MARCHF6: variants seen among roughly 807,000 people sequenced by gnomAD.
MARCHF6 encodes the protein E3 ubiquitin-protein ligase MARCHF6.
MARCHF6 carries 31 observed loss-of-function variants against 133.7 expected under a neutral mutation model. That is an observed-to-expected ratio of 0.23 (90% confidence interval 0.17 to 0.31). The LOEUF is 0.31. Among genes scored for constraint, MARCHF6 ranks in the 10% least tolerant of loss-of-function variants. MARCHF6 has a pLI of 1.00. For missense variants in MARCHF6, 723 were observed against 1,121.6 expected, an observed-to-expected ratio of 0.64 and a Z score of 5.08; for synonymous variants, 395 against 402.5, an observed-to-expected ratio of 0.98 and a Z score of 0.22.
At chr5:10,365,363 C>T (rs897643140) in intron 1 of MARCHF6, among the ~76,000 whole-genome samples, 10 of 151,938 alleles carry the variant, frequency 6.6e-5, no homozygotes, top group South Asian at 2.1e-4. Flanking sequence ...TACAATGGCA[C>T]GATCTTGGCT....
intron 24 of MARCHF6, 81 bp from the exon 25 acceptor site, chr5:10,429,812 C>CCCCAG: frequency 8.3e-7 from 1 of 1,208,588 alleles, no homozygotes; most frequent in Non-Finnish European, 1.2e-6. Context: ...CCAGTCCATT[C>CCCCAG]TTCTAGGGGA....
rs928862982 is a variant in MARCHF6 at position 10,439,815 on chromosome 5, C to T, written c.*6131C>T. 5.9e-5 allele frequency: 9 copies of T among 152,654 alleles called. No homozygotes were observed. The East Asian group carries it at 1.2e-3, about 20-fold the overall frequency. 9.5% of individuals were successfully genotyped at this position (152,654 alleles called of 1,614,324 possible). On this transcript the variant is annotated 3_prime_UTR_variant, in exon 26 of 26. Coordinates refer to ENST00000274140, the MANE Select transcript of MARCHF6 (RefSeq NM_005885.4). ...AAAACATGAAGCACCCCTTTTCTCC[C>T]TTCTCTGACCCCATCACCTCTGTGT...
intron 1 of MARCHF6, among the ~76,000 whole-genome samples, chr5:10,358,794 A>G (rs1735637842): frequency 6.6e-6 from 1 of 152,244 alleles, no homozygotes; most frequent in African/African-American, 2.4e-5. Context: ...ATATATGTAG[A>G]TACTAGTCTT....
At chr5:10,426,187 G>A (rs1485622104) in intron 23 of MARCHF6, among the ~76,000 whole-genome samples, 1 of 152,202 alleles carries the variant, frequency 6.6e-6, no homozygotes, top group East Asian at 1.9e-4. Context: ...GCTAACTGCA[G>A]AGCGTTAGTG....
At chr5:10,410,349 A>G (rs1579599272) in intron 18 of MARCHF6, 73 bp downstream of exon 18, 1 of 1,533,794 alleles carries the variant, frequency 6.5e-7, no homozygotes, top group Non-Finnish European at 8.8e-7. Flanking sequence ...TGGAAAAAGT[A>G]TGTTCCATGG....
chr5:10,425,667 C>G (rs1333591147), intron 23 of MARCHF6, among the ~76,000 whole-genome samples: 2 of 152,180 alleles, frequency 1.3e-5, no homozygotes, highest in Admixed American at 1.3e-4. Context: ...TCAGTCACAG[C>G]TAAGAGAGGT....
intron 1 of MARCHF6, among the ~76,000 whole-genome samples, chr5:10,359,727 G>A (rs1735696025): frequency 6.6e-6 from 1 of 152,172 alleles, no homozygotes; most frequent in South Asian, 2.1e-4. Flanking sequence ...TACAAAGGCT[G>A]GGTGCGGTGG....
intron 1 of MARCHF6, among the ~76,000 whole-genome samples, chr5:10,365,223 T>A (rs1295765402): frequency 6.6e-6 from 1 of 152,228 alleles, no homozygotes; most frequent in Non-Finnish European, 1.5e-5. Flanking sequence ...TACAGGTGAA[T>A]TTTTAATTTA....
intron 17 of MARCHF6, among the ~76,000 whole-genome samples, chr5:10,407,953 T>TACC (rs1739001815): frequency 1.2e-5 from 1 of 81,872 alleles, no homozygotes; most frequent in African/African-American, 5.4e-5. Context: ...TGAAACTGCA[T>TACC]CCCCCCCCCC....
intron 1 of MARCHF6, among the ~76,000 whole-genome samples, chr5:10,355,368 G>A (rs548881289): frequency 2.7e-4 from 41 of 152,252 alleles, no homozygotes; most frequent in African/African-American, 9.6e-4. Context: ...ATCTAGTAAG[G>A]CATGTATTTA....
chr5:10,415,693 G>C, intron 21 of MARCHF6, 24 bp downstream of exon 21: 2 of 1,552,580 alleles, frequency 1.3e-6, no homozygotes, highest in Non-Finnish European at 1.8e-6. Context: ...ATACAAGACT[G>C]ATCTTGTATG....
chr5:10,400,208 A>G (rs1738440574), intron 10 of MARCHF6, among the ~76,000 whole-genome samples: 1 of 152,142 alleles, frequency 6.6e-6, no homozygotes, highest in East Asian at 1.9e-4. Context: ...GTCATTTTTT[A>G]TATTTATTGG....
chr5:10,375,007 C>A (rs958123788), intron 1 of MARCHF6, among the ~76,000 whole-genome samples: 1 of 152,232 alleles, frequency 6.6e-6, no homozygotes, highest in African/African-American at 2.4e-5. Flanking sequence ...GCAGTCCTCA[C>A]AGCCCTCGCT....
chr5:10,376,179 C>T (rs1736768892), intron 1 of MARCHF6, among the ~76,000 whole-genome samples: 1 of 152,210 alleles, frequency 6.6e-6, no homozygotes, highest in Admixed American at 6.5e-5. Context: ...AATCTTGCTA[C>T]TGCTCACTCT....
intron 24 of MARCHF6, among the ~76,000 whole-genome samples, chr5:10,428,968 G>C (rs1273719212): frequency 6.6e-6 from 1 of 152,152 alleles, no homozygotes; most frequent in Non-Finnish European, 1.5e-5. Flanking sequence ...TCTTAGGGTA[G>C]CTTTTTAATA....
chr5:10,386,276 A>G (rs1737473808), intron 4 of MARCHF6, among the ~76,000 whole-genome samples: 1 of 152,208 alleles, frequency 6.6e-6, no homozygotes, highest in African/African-American at 2.4e-5. Flanking sequence ...ATACAAGGCT[A>G]TATAGGGAAT....
chr5:10,358,890 C>G (rs1194935805), intron 1 of MARCHF6, among the ~76,000 whole-genome samples: 1 of 152,258 alleles, frequency 6.6e-6, no homozygotes, highest in East Asian at 1.9e-4. Context: ...GTAATGGAGA[C>G]TGTACATGGC....
chr5:10,391,823 A>T, intron 7 of MARCHF6, 92 bp downstream of exon 7: 1 of 1,275,738 alleles, frequency 7.8e-7, no homozygotes, highest in Non-Finnish European at 1.0e-6. Flanking sequence ...CAAATTTTTA[A>T]TGTTGTGAAG....
intron 24 of MARCHF6, among the ~76,000 whole-genome samples, chr5:10,427,789 TAGAC>T (rs1740167247): frequency 6.6e-6 from 1 of 152,156 alleles, no homozygotes; most frequent in Non-Finnish European, 1.5e-5. Context: ...CATTGCTTCT[TAGAC>T]AGTAAAGATA....
Sources: allele counts gnomAD v4.1 joint callset (sites outside exome capture counted in the v4.1 genomes callset), GRCh38; gene constraint gnomAD v4.1.1; transcripts MANE v1.5; gene names NCBI Gene and HGNC (gene_info 2026-07-23, HGNC 2026-07-21).